The following BRINP2 variants were observed in gnomAD, a reference collection of about 807,000 sequenced individuals.
BRINP2 encodes BMP/retinoic acid-inducible neural-specific protein 2.
A neutral mutation model predicts 69.2 loss-of-function variants in BRINP2; 21 were observed. The observed-to-expected ratio is 0.30, with a 90% confidence interval of 0.22 to 0.44. The LOEUF is 0.44. Among genes scored for constraint, BRINP2 ranks in the 20% least tolerant of loss-of-function variants. The probability of loss-of-function intolerance (pLI) is 1.00; values close to 1 mark genes in which losing one functional copy is unlikely to be tolerated. For missense variants in BRINP2, 877 were observed against 986.0 expected, an observed-to-expected ratio of 0.89 and a Z score of 1.48; for synonymous variants, 380 against 394.1, an observed-to-expected ratio of 0.96 and a Z score of 0.42.
In BRINP2 at chr1:177,276,229, T is replaced by G. The variant is rs1330958171; in HGVS notation, c.807T>G (p.Arg269=). The change falls in exon 6 of 8, where the codon CGT becomes CGG. Residue 269 remains arginine (R), a synonymous_variant. Transcript: ENST00000361539. The stretch of plus-strand genomic sequence containing the variant: ...AGGTGCTGCTGCCTGAGTATCTGCG[T>G]GAGCGCTTTGTAGCTGCAGCACTCA... ...GLQVLLPEYL[R]ERFVAAALSY... 1 of 1,614,138 alleles carries G rather than the reference T, an allele frequency of 6.2e-7. No individual in the cohort carries two copies. Among genetic ancestry groups the G allele is most frequent in the Admixed American group, 1.7e-5 (1 of 60,028 alleles).
intron 2 of BRINP2, among the ~76,000 whole-genome samples, chr1:177,253,084 A>AT (rs754225560): frequency 6.6e-6 from 1 of 152,110 alleles, no homozygotes; most frequent in African/African-American, 2.4e-5. Context: ...TTGCTAGATC[A>AT]TATGTTAGTT....
chr1:177,239,939 C>T (rs1650143785), intron 2 of BRINP2, among the ~76,000 whole-genome samples: 1 of 152,186 alleles, frequency 6.6e-6, no homozygotes, highest in Non-Finnish European at 1.5e-5. Context: ...CCTCTGAGCC[C>T]AGAAGTGTGC....
chr1:177,171,982 C>A (rs1396550498), intron 1 of BRINP2, among the ~76,000 whole-genome samples: 1 of 152,122 alleles, frequency 6.6e-6, no homozygotes, highest in Admixed American at 6.5e-5. Flanking sequence ...GGTTTGGGCT[C>A]CCTGCCTGAC....
At chr1:177,257,561 ACACT>A (rs1650810639) in intron 4 of BRINP2, among the ~76,000 whole-genome samples, 177 bp downstream of exon 4, 1 of 152,200 alleles carries the variant, frequency 6.6e-6, no homozygotes, top group South Asian at 2.1e-4. Flanking sequence ...TCCACTGCAG[ACACT>A]CACAGAGCAC....
rs1650725548 is a variant in BRINP2 at position 177,255,474 on chromosome 1, C to T, written c.270-445C>T. Reference sequence around the variant, plus strand: ...GGGATCAGAGATCAAAATATGAGGGCAGTGGTTCTAGAGCAAGCTTCCTGA... The same window carrying T: ...GGGATCAGAGATCAAAATATGAGGGTAGTGGTTCTAGAGCAAGCTTCCTGA... On this transcript the variant is annotated intron_variant, in intron 2 of 7. Coordinates refer to ENST00000361539, the MANE Select transcript of BRINP2 (RefSeq NM_021165.4). 1.3e-5 allele frequency among the ~76,000 whole-genome samples: 2 copies of T among 152,170 alleles called. 1 individual carries two copies. The highest frequency in any genetic ancestry group is 4.1e-4 in the South Asian group (2 of 4,836).
intron 1 of BRINP2, among the ~76,000 whole-genome samples, chr1:177,185,548 GAAGT>G (rs1420056164): frequency 6.6e-6 from 1 of 152,160 alleles, no homozygotes. Context: ...ACAGCCTGGA[GAAGT>G]ATTTATAAAC....
At chr1:177,222,608 G>A (rs933770471) in intron 1 of BRINP2, among the ~76,000 whole-genome samples, 2 of 151,662 alleles carry the variant, frequency 1.3e-5, no homozygotes, top group Non-Finnish European at 2.9e-5. Context: ...CACTGTGGCC[G>A]GTCAGGCCAG....
At chr1:177,220,607 T>C (rs184045425) in intron 1 of BRINP2, among the ~76,000 whole-genome samples, 7 of 152,318 alleles carry the variant, frequency 4.6e-5, no homozygotes, top group Middle Eastern at 3.4e-3. Flanking sequence ...CAAACCCTTT[T>C]CTTTAATCAA....
chr1:177,188,318 A>C (rs1648490292), intron 1 of BRINP2, among the ~76,000 whole-genome samples: 2 of 152,232 alleles, frequency 1.3e-5, no homozygotes, highest in Non-Finnish European at 2.9e-5. Flanking sequence ...AATAAAGCAG[A>C]CAAAAAAATA....
At chr1:177,208,102 C>A (rs1649116476) in intron 1 of BRINP2, among the ~76,000 whole-genome samples, 1 of 152,176 alleles carries the variant, frequency 6.6e-6, no homozygotes, top group Non-Finnish European at 1.5e-5. Flanking sequence ...TTTCCTCATC[C>A]ATAAAAAGAA....
rs1268130830 is a variant in BRINP2, at chr1:177,280,478, C to A, written c.1302C>A (p.Gly434=). Residue 434 remains glycine (G), a synonymous_variant, in exon 8 of 8, where the codon GGC becomes GGA. Transcript: ENST00000361539. Reference sequence around the variant, plus strand: ...ACTGTGGGGAAAGCACCTTTCCTGGCACTTTCCTGGAACAGAGCCACAGCT... The same window carrying A: ...ACTGTGGGGAAAGCACCTTTCCTGGAACTTTCCTGGAACAGAGCCACAGCT... ...LLYCGESTFP[G]TFLEQSHSCT... 6.2e-7 allele frequency: 1 copy of A among 1,614,128 alleles called. No individual in the cohort carries two copies. The highest frequency in any genetic ancestry group is 1.7e-5 in the Admixed American group (1 of 60,026).
chr1:177,182,977 T>G (rs1474086088), intron 1 of BRINP2, among the ~76,000 whole-genome samples: 1 of 151,756 alleles, frequency 6.6e-6, no homozygotes, highest in Non-Finnish European at 1.5e-5. Context: ...TTCTTTTCTT[T>G]TTTTTCTTTT....
intron 6 of BRINP2, among the ~76,000 whole-genome samples, chr1:177,277,029 A>G (rs529285974): frequency 6.6e-6 from 1 of 152,232 alleles, no homozygotes; most frequent in Non-Finnish European, 1.5e-5. Context: ...GAGATCATGT[A>G]GATGCTCAAT....
At chr1:177,232,361 T>C (rs1290156272) in intron 2 of BRINP2, among the ~76,000 whole-genome samples, 8 of 152,232 alleles carry the variant, frequency 5.3e-5, no homozygotes, top group Non-Finnish European at 1.0e-4. Context: ...AATGGTTTTC[T>C]GATCATTTAA....
chr1:177,216,912 T>C (rs1190507447), intron 1 of BRINP2, among the ~76,000 whole-genome samples: 1 of 152,018 alleles, frequency 6.6e-6, no homozygotes, highest in Non-Finnish European at 1.5e-5. Context: ...TTCTTATCTC[T>C]TGCTGCTCTC....
rs78735412 is a variant in BRINP2 at position 177,220,896 on chromosome 1, G to A, written c.-76-8905G>A. ...GTGAAATACCACTGGGTTCTTATGA[G>A]GCCATGCTGACAGGCCATCTAAACA... On this transcript the variant is annotated intron_variant, in intron 1 of 7. Coordinates refer to ENST00000361539, the MANE Select transcript of BRINP2 (RefSeq NM_021165.4). 5.6e-3 allele frequency among the ~76,000 whole-genome samples: 857 copies of A among 152,300 alleles called. 4 individuals are homozygous for A. The highest frequency in any genetic ancestry group is 0.019 in the African/African-American group (809 of 41,564).
intron 1 of BRINP2, among the ~76,000 whole-genome samples, chr1:177,172,046 C>T (rs1647950023): frequency 1.3e-5 from 2 of 152,224 alleles, no homozygotes; most frequent in Non-Finnish European, 2.9e-5. Context: ...CTCCTATTAG[C>T]TTCAGAAAAT....
intron 1 of BRINP2, among the ~76,000 whole-genome samples, chr1:177,211,928 T>C (rs1213354851): frequency 7.2e-5 from 11 of 152,214 alleles, no homozygotes; most frequent in Admixed American, 7.2e-4. Flanking sequence ...ATAATAATTC[T>C]CTAATTCCAT....
At chr1:177,213,834 A>T (rs1649297629) in intron 1 of BRINP2, among the ~76,000 whole-genome samples, 1 of 152,212 alleles carries the variant, frequency 6.6e-6, no homozygotes, top group African/African-American at 2.4e-5. Flanking sequence ...TTTATGTCCT[A>T]GCTAAATGGA....
Sources: allele counts gnomAD v4.1 joint callset (sites outside exome capture counted in the v4.1 genomes callset), GRCh38; gene constraint gnomAD v4.1.1; transcripts MANE v1.5; gene names NCBI Gene and HGNC (gene_info 2026-07-23, HGNC 2026-07-21).